CADM1: variants seen among roughly 807,000 people sequenced by gnomAD.
CADM1 encodes cell adhesion molecule 1.
CADM1 carries 15 observed loss-of-function variants against 53.1 expected under a neutral mutation model. The ratio of observed to expected loss-of-function variants is 0.28; its 90% CI spans 0.19 to 0.44. The LOEUF is 0.44. CADM1 is among the 20% of genes least tolerant of loss of function. CADM1 has a pLI of 1.00. For missense variants in CADM1, 434 were observed against 611.3 expected (o/e 0.71, Z 3.06); for synonymous variants, 281 against 243.0 (o/e 1.16, Z -1.45).
At chr11:115,491,939 C>G (rs367731596) in intron 1 of CADM1, among the ~76,000 whole-genome samples, 2 of 152,174 alleles carry the variant, frequency 1.3e-5, no homozygotes, top group Non-Finnish European at 1.5e-5. Flanking sequence ...ACATCATACA[C>G]CTGTAATGGG....
chr11:115,208,705 G>C (rs999364395), intron 8 of CADM1, among the ~76,000 whole-genome samples: 1 of 152,148 alleles, frequency 6.6e-6, no homozygotes, highest in African/African-American at 2.4e-5. Context: ...AGGTTGGGAA[G>C]GCCTTATCTA....
chr11:115,406,128 T>C (rs1484868904), intron 1 of CADM1, among the ~76,000 whole-genome samples: 1 of 152,230 alleles, frequency 6.6e-6, no homozygotes, highest in Non-Finnish European at 1.5e-5. Context: ...TCCTTGACTT[T>C]ATATTGGTAT....
At chr11:115,307,532 A>C (rs1944409696) in intron 1 of CADM1, among the ~76,000 whole-genome samples, 1 of 150,844 alleles carries the variant, frequency 6.6e-6, no homozygotes, top group African/African-American at 2.4e-5. Flanking sequence ...ATATATATAT[A>C]TATGCTGAGA....
At chr11:115,189,110 A>T (rs1939718287) in intron 10 of CADM1, among the ~76,000 whole-genome samples, 1 of 152,176 alleles carries the variant, frequency 6.6e-6, no homozygotes, top group Non-Finnish European at 1.5e-5. Flanking sequence ...ATATGACTGC[A>T]GTGTTCCTGC....
chr11:115,484,955 A>AG (rs1346983810), intron 1 of CADM1, among the ~76,000 whole-genome samples: 1 of 152,020 alleles, frequency 6.6e-6, no homozygotes, highest in East Asian at 1.9e-4. Flanking sequence ...TCAAAAAAAA[A>AG]AAAAAAGAAA....
intron 1 of CADM1, among the ~76,000 whole-genome samples, chr11:115,289,480 T>C (rs547881251): frequency 2.0e-5 from 3 of 152,218 alleles, no homozygotes; most frequent in African/African-American, 7.2e-5. Context: ...TATACCTTTC[T>C]GGTACAATGA....
At chr11:115,318,167 G>A (rs962349029) in intron 1 of CADM1, among the ~76,000 whole-genome samples, 7 of 152,080 alleles carry the variant, frequency 4.6e-5, no homozygotes, top group African/African-American at 2.4e-5. Flanking sequence ...TTTCAGAACT[G>A]CTGAACAAAC....
At chr11:115,260,383 T>C in intron 1 of CADM1, among the ~76,000 whole-genome samples, 1 of 152,260 alleles carries the variant, frequency 6.6e-6, no homozygotes. Flanking sequence ...TGTCACATCA[T>C]ACATATTGGT....
intron 6 of CADM1, 61 bp downstream of exon 6, chr11:115,217,829 CAT>C (rs963706315): frequency 2.0e-6 from 2 of 1,009,050 alleles, no homozygotes; most frequent in South Asian, 1.3e-5. Flanking sequence ...GGTGAATGCA[CAT>C]GTCTGTGTTG....
At chr11:115,325,049 C>T (rs1944924861) in intron 1 of CADM1, among the ~76,000 whole-genome samples, 1 of 152,264 alleles carries the variant, frequency 6.6e-6, no homozygotes, top group South Asian at 2.1e-4. Context: ...ATGGAAGGTT[C>T]GTTAGAGCAT....
At chr11:115,394,452 G>C (rs1010954707) in intron 1 of CADM1, among the ~76,000 whole-genome samples, 1 of 151,912 alleles carries the variant, frequency 6.6e-6, no homozygotes, top group Non-Finnish European at 1.5e-5. Flanking sequence ...CACGAGACAT[G>C]TGAAAAGCAA....
At chr11:115,237,544 CA>C (rs1942054185) in intron 3 of CADM1, among the ~76,000 whole-genome samples, 1 of 152,166 alleles carries the variant, frequency 6.6e-6, no homozygotes, top group Non-Finnish European at 1.5e-5. Context: ...AAATGTCCTT[CA>C]TATTTATCTT....
chr11:115,396,281 A>G (rs1466172302), intron 1 of CADM1, among the ~76,000 whole-genome samples: 1 of 152,206 alleles, frequency 6.6e-6, no homozygotes, highest in East Asian at 1.9e-4. Context: ...GATTTAAGAT[A>G]GAAGAAAGTC....
chr11:115,232,004 TAATAATAATAAC>T (rs995624165), intron 3 of CADM1, among the ~76,000 whole-genome samples: 10 of 133,828 alleles, frequency 7.5e-5, no homozygotes, highest in African/African-American at 1.5e-4. Context: ...ATAATAATAA[TAATAATAATAAC>T]AACAACAACA....
intron 3 of CADM1, among the ~76,000 whole-genome samples, chr11:115,236,003 A>G (rs1941997956): frequency 6.6e-6 from 1 of 152,236 alleles, no homozygotes; most frequent in South Asian, 2.1e-4. Context: ...TTCAGATTTT[A>G]CATGGATAAG....
intron 10 of CADM1, among the ~76,000 whole-genome samples, chr11:115,181,602 G>A (rs1939314726): frequency 1.3e-5 from 2 of 152,206 alleles, no homozygotes; most frequent in African/African-American, 2.4e-5. Context: ...GGTTACGAGC[G>A]CCTCACCGCC....
chr11:115,488,484 G>A lies in CADM1; in HGVS notation c.124+15787C>T, dbSNP rs111408996. Among the ~76,000 whole-genome samples, 1,123 of 152,250 alleles carry A rather than the reference G, an allele frequency of 7.4e-3. 16 individuals are homozygous for A. The highest frequency in any genetic ancestry group is 0.026 in the African/African-American group (1,067 of 41,530). ...CTCCTCTCAAAAACTCCTTCACAAG[G>A]TCACAGATACATCAGTGTTACAAAC... is the stretch of plus-strand genomic sequence containing the variant. On this transcript the variant is annotated intron_variant, in intron 1 of 11. Transcript: ENST00000331581.
At chr11:115,340,658 A>ATATATTTTTT (rs60532835) in intron 1 of CADM1, among the ~76,000 whole-genome samples, 8 of 34,928 alleles carry the variant, frequency 2.3e-4, no homozygotes, top group Non-Finnish European at 3.6e-4. Context: ...ATATATATAT[A>ATATATTTTTT]TTTTTTTTTT....
At chr11:115,432,424 C>T (rs1349455681) in intron 1 of CADM1, among the ~76,000 whole-genome samples, 1 of 152,134 alleles carries the variant, frequency 6.6e-6, no homozygotes, top group Non-Finnish European at 1.5e-5. Flanking sequence ...TTATAATTAT[C>T]CATGTGGGAT....
Sources: gnomAD v4.1 joint callset for allele counts (sites outside exome capture counted in the v4.1 genomes callset) on GRCh38, gnomAD v4.1.1 for gene constraint, MANE v1.5 for transcripts, NCBI Gene and HGNC (gene_info 2026-07-23, HGNC 2026-07-21) for gene names.